ZCCHC14: variants seen among roughly 807,000 people sequenced by gnomAD.
ZCCHC14 encodes the protein zinc finger CCHC-type containing 14, also known as zinc finger CCHC domain-containing protein 14.
Under a neutral mutation model 85.0 loss-of-function variants are expected in ZCCHC14, and 16 were observed. That is an observed-to-expected ratio of 0.19 (90% CI 0.13 to 0.29). The LOEUF (loss-of-function observed/expected upper bound fraction) is 0.29, where lower values mean the gene tolerates loss of function less well. Among genes scored for constraint, ZCCHC14 ranks in the 10% least tolerant of loss-of-function variants. The probability of loss-of-function intolerance (pLI) is 1.00; values close to 1 mark genes in which losing one functional copy is unlikely to be tolerated. For synonymous variants in ZCCHC14, 775 were observed against 630.7 expected, an observed-to-expected ratio of 1.23 and a Z score of -3.43; for missense variants, 1,303 against 1,443.5, an observed-to-expected ratio of 0.90 and a Z score of 1.58.
At chr16:87,476,787 CG>C (rs1468045296) in intron 1 of ZCCHC14, among the ~76,000 whole-genome samples, 1 of 151,656 alleles carries the variant, frequency 6.6e-6, no homozygotes, top group Non-Finnish European at 1.5e-5. Context: ...TCTGGGCTGA[CG>C]GTCATACCGC....
At chr16:87,419,986 A>C in intron 5 of ZCCHC14, 109 bp from the exon 6 acceptor site, 1 of 849,370 alleles carries the variant, frequency 1.2e-6, no homozygotes, top group Non-Finnish European at 1.8e-6. Flanking sequence ...TAGAGGAAAA[A>C]AGCCAGAAGT....
chr16:87,412,169 G>C lies in ZCCHC14; in HGVS notation c.2552C>G (p.Ser851Cys). The C allele has an allele frequency of 6.2e-7, 1 of 1,614,094 alleles. No individual in the cohort carries two copies. The highest frequency in any genetic ancestry group is 1.1e-5 in the South Asian group (1 of 91,088). The part of the protein sequence containing the change: ...SNTASPSSHP[S>C]TSFANMATLP... ...CGTGGCCATGTTGGCAAAGGACGTG[G>C]AGGGGTGGCTGCTGGGAGAGGCAGT... Residue 851 changes from serine (S) to cysteine (C), a missense_variant, in exon 12 of 13, where the codon TCC becomes TGC. Ser to Cys is a moderately radical substitution (Grantham distance 112, BLOSUM62 -1). Transcript: ENST00000671377.
chr16:87,437,367 T>G (rs1909978048), intron 2 of ZCCHC14, among the ~76,000 whole-genome samples: 1 of 120,938 alleles, frequency 8.3e-6, no homozygotes, highest in South Asian at 2.6e-4. Context: ...AAAAAAAAAT[T>G]CAGGGGCAAA....
chr16:87,453,337 C>T (rs762633416), intron 2 of ZCCHC14, among the ~76,000 whole-genome samples: 15 of 152,242 alleles, frequency 9.9e-5, no homozygotes, highest in Non-Finnish European at 1.9e-4. Flanking sequence ...ACAAAACACC[C>T]CTCTGAAGTC....
chr16:87,490,917 A>G (rs983171328), intron 1 of ZCCHC14, among the ~76,000 whole-genome samples: 13 of 152,188 alleles, frequency 8.5e-5, no homozygotes, highest in African/African-American at 3.1e-4. Flanking sequence ...CCAGGCCCCC[A>G]GCGACACAGG....
chr16:87,443,071 G>C (rs1213494241), intron 2 of ZCCHC14, among the ~76,000 whole-genome samples: 1 of 152,216 alleles, frequency 6.6e-6, no homozygotes, highest in Non-Finnish European at 1.5e-5. Context: ...TGAAATATCT[G>C]GGTAATATAA....
At chr16:87,436,094 G>A (rs574372983) in intron 2 of ZCCHC14, among the ~76,000 whole-genome samples, 1 of 152,238 alleles carries the variant, frequency 6.6e-6, no homozygotes, top group Admixed American at 6.5e-5. Flanking sequence ...TGTACCTCAT[G>A]TCCCAGGACT....
At chr16:87,474,931 T>C (rs1042191760) in intron 1 of ZCCHC14, among the ~76,000 whole-genome samples, 8 of 152,026 alleles carry the variant, frequency 5.3e-5, no homozygotes, top group African/African-American at 1.9e-4. Flanking sequence ...GTATCTGGAG[T>C]TTGAGTCCAG....
At chr16:87,482,338 T>C (rs1457353286) in intron 1 of ZCCHC14, among the ~76,000 whole-genome samples, 1 of 152,138 alleles carries the variant, frequency 6.6e-6, no homozygotes, top group African/African-American at 2.4e-5. Flanking sequence ...GAGAGAAGTC[T>C]GAGGAATAAC....
chr16:87,467,425 T>G (rs1455171762), intron 1 of ZCCHC14: 1 of 1,602,868 alleles, frequency 6.2e-7, no homozygotes, highest in Non-Finnish European at 8.5e-7. Flanking sequence ...GGAGCAAATA[T>G]GATTGGTAAT....
At chr16:87,416,929 G>C (rs1027489884) in intron 8 of ZCCHC14, among the ~76,000 whole-genome samples, 1 of 152,178 alleles carries the variant, frequency 6.6e-6, no homozygotes, top group Non-Finnish European at 1.5e-5. Context: ...CCAGCAGAGG[G>C]AGTCCAGAGC....
At chr16:87,456,337 T>A (rs1048457689) in intron 2 of ZCCHC14, among the ~76,000 whole-genome samples, 1 of 151,888 alleles carries the variant, frequency 6.6e-6, no homozygotes. Flanking sequence ...GAGACTATCC[T>A]GGCTAACACG....
chr16:87,459,864 A>G (rs949120059), intron 2 of ZCCHC14, 144 bp downstream of exon 2: 1 of 1,296,378 alleles, frequency 7.7e-7, no homozygotes, highest in Non-Finnish European at 1.1e-6. Context: ...ATATTCATGT[A>G]TTGCTTATAG....
chr16:87,453,625 C>T (rs1910815677), intron 2 of ZCCHC14, among the ~76,000 whole-genome samples: 2 of 152,244 alleles, frequency 1.3e-5, no homozygotes, highest in Admixed American at 6.5e-5. Context: ...GACTAAGGCA[C>T]CTCCATCTGC....
chr16:87,415,628 G>C (rs546431391), intron 8 of ZCCHC14, among the ~76,000 whole-genome samples: 2 of 152,330 alleles, frequency 1.3e-5, no homozygotes, highest in Admixed American at 1.3e-4. Flanking sequence ...AGGCTGTGTG[G>C]ATGGGTGCAC....
chr16:87,429,611 T>A (rs1284579745), intron 3 of ZCCHC14, among the ~76,000 whole-genome samples: 2 of 152,150 alleles, frequency 1.3e-5, no homozygotes, highest in African/African-American at 4.8e-5. Flanking sequence ...GGAGACACTA[T>A]CTCTTTTTTT....
In ZCCHC14 at chr16:87,492,997, C is replaced by A. The variant is rs1300675070; in HGVS notation, c.-759G>T. Reference sequence around the variant, plus strand: ...AGCGGAGGGATCGTCGCGCTCGCGGCTGACGGGCGGCCGGGATCAGCAGAA... The same window carrying A: ...AGCGGAGGGATCGTCGCGCTCGCGGATGACGGGCGGCCGGGATCAGCAGAA... On this transcript the variant is annotated 5_prime_UTR_variant, in exon 1 of 13. Transcript: ENST00000671377. This position sits in a 1 kb window ranked among gnomAD's most constrained non-coding sequence, Gnocchi z 6.7. Among the ~76,000 whole-genome samples, 1 of 151,844 alleles carries A rather than the reference C, an allele frequency of 6.6e-6. No individual in the cohort carries two copies. The highest frequency in any genetic ancestry group is 6.6e-5 in the Admixed American group (1 of 15,266).
At chr16:87,468,752 G>C (rs566841598) in intron 1 of ZCCHC14, among the ~76,000 whole-genome samples, 3 of 152,290 alleles carry the variant, frequency 2.0e-5, no homozygotes, top group South Asian at 2.1e-4. Context: ...GGGGATTCTC[G>C]TGGCATGCAG....
chr16:87,457,715 T>C (rs1177807900), intron 2 of ZCCHC14, among the ~76,000 whole-genome samples: 1 of 152,202 alleles, frequency 6.6e-6, no homozygotes, highest in East Asian at 1.9e-4. Flanking sequence ...GAGAAAACTT[T>C]ATAGTAATAA....
Sources: allele counts gnomAD v4.1 joint callset (sites outside exome capture counted in the v4.1 genomes callset), GRCh38; gene constraint gnomAD v4.1.1; non-coding constraint Gnocchi (gnomAD v3.1); transcripts MANE v1.5; gene names NCBI Gene and HGNC (gene_info 2026-07-23, HGNC 2026-07-21).